PDE1C: variants seen among roughly 807,000 people sequenced by gnomAD.
The protein encoded by PDE1C is dual specificity calcium/calmodulin-dependent 3',5'-cyclic nucleotide phosphodiesterase 1C.
A neutral mutation model predicts 93.1 loss-of-function variants in PDE1C; 62 were observed. The observed-to-expected ratio is 0.67, with a 90% confidence interval of 0.54 to 0.82. The LOEUF (loss-of-function observed/expected upper bound fraction) is 0.82, where lower values mean the gene tolerates loss of function less well. PDE1C is among the 40% of genes least tolerant of loss of function. PDE1C has a pLI of 0.00. For synonymous variants in PDE1C, 325 were observed against 310.1 expected, an observed-to-expected ratio of 1.05 and a Z score of -0.50; for missense variants, 742 against 884.6, an observed-to-expected ratio of 0.84 and a Z score of 2.04.
At chr7:31,691,823 C>CAAAAAAAAAAAAAAAAAAAAA in the PDE1C span, among the ~76,000 whole-genome samples, 1 of 77,848 alleles carries the variant, frequency 1.3e-5, no homozygotes, top group African/African-American at 4.0e-5. Context: ...AAAAAAAAAA[C>CAAAAAAAAAAAAAAAAAAAAA]CAAGCAAAAA....
At chr7:31,797,431 A>G (rs1785442198) in intron 16 of PDE1C, among the ~76,000 whole-genome samples, 1 of 151,822 alleles carries the variant, frequency 6.6e-6, no homozygotes, top group Admixed American at 6.6e-5. Flanking sequence ...CTATATGTAT[A>G]AACTGCCTCA....
At chr7:32,149,028 T>G (rs1430351234) in intron 3 of PDE1C, among the ~76,000 whole-genome samples, 1 of 152,198 alleles carries the variant, frequency 6.6e-6, no homozygotes, top group Non-Finnish European at 1.5e-5. Context: ...AAACCAGATG[T>G]TGAACCTAGA....
the PDE1C span, among the ~76,000 whole-genome samples, chr7:31,698,093 C>T: frequency 3.9e-5 from 6 of 152,162 alleles, no homozygotes; most frequent in Non-Finnish European, 7.4e-5. Flanking sequence ...TTTCACTAAT[C>T]TGTGCTGTGG....
At chr7:31,707,315 G>T in the PDE1C span, 4 of 1,576,064 alleles carry the variant, frequency 2.5e-6, no homozygotes, top group Non-Finnish European at 3.5e-6. Flanking sequence ...TTGTAAATAG[G>T]TTAGATTGGT....
intron 2 of PDE1C, among the ~76,000 whole-genome samples, chr7:31,934,561 C>CAAAA (rs70989623): frequency 6.9e-6 from 1 of 145,438 alleles, no homozygotes. Flanking sequence ...ACCACCAATA[C>CAAAA]AAAAAAAAAA....
intron 2 of PDE1C, among the ~76,000 whole-genome samples, chr7:31,911,973 T>C (rs1485491539): frequency 6.6e-6 from 1 of 152,192 alleles, no homozygotes; most frequent in Non-Finnish European, 1.5e-5. Flanking sequence ...TCCAAAGCAT[T>C]ACAGGAGCTT....
chr7:32,308,997 G>T (rs540457317), intron 1 of PDE1C, among the ~76,000 whole-genome samples: 4 of 151,536 alleles, frequency 2.6e-5, no homozygotes, highest in Non-Finnish European at 5.9e-5. Flanking sequence ...GTTAAAAACT[G>T]TGAAAAAAAA....
At chr7:31,813,410 T>A (rs1331835956) in intron 15 of PDE1C, among the ~76,000 whole-genome samples, 1 of 152,132 alleles carries the variant, frequency 6.6e-6, no homozygotes, top group Non-Finnish European at 1.5e-5. Flanking sequence ...GTTGTGTAAA[T>A]TCATTTCAGA....
At chr7:32,401,770 T>C (rs1262536900) in intron 1 of PDE1C, among the ~76,000 whole-genome samples, 2 of 152,168 alleles carry the variant, frequency 1.3e-5, no homozygotes, top group African/African-American at 4.8e-5. Context: ...GCTCCTGAGC[T>C]GAGCAAACAA....
At position 31,865,114 on chromosome 7, in the gene PDE1C, T is replaced by A. The variant is rs1003484343; in HGVS notation, c.610-32A>T. 6.1e-5 allele frequency: 99 copies of A among 1,612,894 alleles called. No homozygotes were observed. The East Asian group carries it at 2.2e-3, about 36-fold the overall frequency. On this transcript the variant is annotated intron_variant, in intron 6 of 17. Coordinates refer to ENST00000396191, the MANE Select transcript of PDE1C (RefSeq NM_001191057.4). ...GAGAGCAGTAAGGTTAATTAACTAG[T>A]GACTTCACTGCTTTCAATGGAGACA...
At chr7:32,402,107 T>C (rs1012413119) in intron 1 of PDE1C, among the ~76,000 whole-genome samples, 3 of 152,136 alleles carry the variant, frequency 2.0e-5, no homozygotes, top group Non-Finnish European at 4.4e-5. Flanking sequence ...TAAAAAAATA[T>C]GTAATTTGCC....
intron 1 of PDE1C, among the ~76,000 whole-genome samples, chr7:32,282,651 G>A (rs1209612345): frequency 2.9e-3 from 7 of 2,378 alleles, no homozygotes; most frequent in Admixed American, 8.6e-3. Context: ...GCACGATCTC[G>A]GCTCACTGCA....
chr7:31,670,449 G>A, the PDE1C span, among the ~76,000 whole-genome samples: 2 of 152,148 alleles, frequency 1.3e-5, no homozygotes, highest in African/African-American at 4.8e-5. Context: ...TCCTGTCTCA[G>A]TGCGATTTTC....
At chr7:32,414,551 T>A (rs1048732463) in intron 1 of PDE1C, among the ~76,000 whole-genome samples, 7 of 152,194 alleles carry the variant, frequency 4.6e-5, no homozygotes, top group Non-Finnish European at 8.8e-5. Flanking sequence ...CATGCTTTTT[T>A]AAAAGAGAAT....
intron 2 of PDE1C, among the ~76,000 whole-genome samples, chr7:32,031,489 G>A (rs1426873835): frequency 1.3e-5 from 2 of 152,164 alleles, no homozygotes; most frequent in Non-Finnish European, 2.9e-5. Flanking sequence ...AGAAAGGAGA[G>A]AATAGGGTGG....
downstream of PDE1C, among the ~76,000 whole-genome samples, chr7:31,750,811 A>T (rs1166061217): frequency 1.3e-5 from 2 of 152,144 alleles, no homozygotes; most frequent in Non-Finnish European, 1.5e-5. Context: ...GGCTCACTGC[A>T]AGCTCTGCCT....
chr7:31,823,869 G>C (rs1446366871), intron 13 of PDE1C, among the ~76,000 whole-genome samples: 1 of 152,116 alleles, frequency 6.6e-6, no homozygotes, highest in East Asian at 1.9e-4. Context: ...TCTCAAAGAA[G>C]TAACTACTGC....
At chr7:32,278,721 A>G (rs1195901250) in intron 1 of PDE1C, among the ~76,000 whole-genome samples, 1 of 152,234 alleles carries the variant, frequency 6.6e-6, no homozygotes, top group East Asian at 1.9e-4. Context: ...ATGATCCAGT[A>G]ATTTTTCATG....
chr7:32,082,731 C>G (rs1796778961), intron 3 of PDE1C, among the ~76,000 whole-genome samples: 1 of 152,180 alleles, frequency 6.6e-6, no homozygotes, highest in Non-Finnish European at 1.5e-5. Context: ...CTACTGATAC[C>G]CAGGCAAACA....
Sources: allele counts gnomAD v4.1 joint callset (sites outside exome capture counted in the v4.1 genomes callset), GRCh38; gene constraint gnomAD v4.1.1; transcripts MANE v1.5; gene names NCBI Gene and HGNC (gene_info 2026-07-23, HGNC 2026-07-21).